Variants in PPM1H observed in about 807,000 individuals in gnomAD.
PPM1H encodes the protein protein phosphatase, Mg2+/Mn2+ dependent 1H, also known as protein phosphatase 1H.
In PPM1H, 27 loss-of-function variants were observed where a neutral mutation model predicts 54.9. The ratio of observed to expected loss-of-function variants is 0.49; its 90% CI spans 0.36 to 0.68. PPM1H has a LOEUF of 0.68. PPM1H is among the 30% of genes least tolerant of loss of function. PPM1H has a pLI of 0.00. For synonymous variants in PPM1H, 305 were observed against 270.8 expected (o/e 1.13, Z -1.24); for missense variants, 596 against 667.8 (o/e 0.89, Z 1.19).
intron 2 of PPM1H, among the ~76,000 whole-genome samples, chr12:62,828,140 A>G (rs1868310471): frequency 6.6e-6 from 1 of 152,152 alleles, no homozygotes; most frequent in African/African-American, 2.4e-5. Flanking sequence ...TTTGAGTTTT[A>G]CCATTAAGGG....
chr12:62,766,566 C>A (rs1026153100), intron 4 of PPM1H, among the ~76,000 whole-genome samples: 7 of 149,078 alleles, frequency 4.7e-5, no homozygotes, highest in African/African-American at 1.7e-4. Flanking sequence ...GCCACAGAAA[C>A]AAAAAAAAAA....
At chr12:62,830,112 T>A (rs1425204145) in intron 2 of PPM1H, among the ~76,000 whole-genome samples, 2 of 152,238 alleles carry the variant, frequency 1.3e-5, no homozygotes, top group African/African-American at 2.4e-5. Flanking sequence ...AACCTCAGGA[T>A]AATAATCACT....
At chr12:62,906,941 C>T (rs925107754) in intron 1 of PPM1H, among the ~76,000 whole-genome samples, 2 of 152,100 alleles carry the variant, frequency 1.3e-5, no homozygotes, top group Admixed American at 6.5e-5. Flanking sequence ...GTGTCTAGAA[C>T]AATGAAATAC....
intron 2 of PPM1H, among the ~76,000 whole-genome samples, chr12:62,805,506 A>C (rs1330689306): frequency 1.3e-5 from 2 of 152,240 alleles, no homozygotes. Context: ...ATACAATAAG[A>C]TATTATTCAG....
chr12:62,891,953 C>T (rs1254642315), intron 1 of PPM1H, among the ~76,000 whole-genome samples: 2 of 151,942 alleles, frequency 1.3e-5, no homozygotes, highest in South Asian at 2.1e-4. Flanking sequence ...TGTAGATAAA[C>T]GATAACATCT....
chr12:62,792,691 A>G (rs909972084), intron 3 of PPM1H, among the ~76,000 whole-genome samples: 2 of 152,172 alleles, frequency 1.3e-5, no homozygotes, highest in African/African-American at 4.8e-5. Flanking sequence ...TGCAACTAGA[A>G]CATATTCTAA....
intron 9 of PPM1H, among the ~76,000 whole-genome samples, chr12:62,650,637 G>A (rs1047529247): frequency 1.3e-5 from 2 of 152,166 alleles, no homozygotes; most frequent in South Asian, 2.1e-4. Context: ...TCACAGTTCC[G>A]TATGGCTGGG....
chr12:62,808,219 CCT>C (rs1192574695), intron 2 of PPM1H, among the ~76,000 whole-genome samples: 2 of 152,178 alleles, frequency 1.3e-5, no homozygotes, highest in Non-Finnish European at 2.9e-5. Flanking sequence ...TTACTCCACT[CCT>C]CTGTGAGAGG....
At chr12:62,680,463 C>T (rs764152509) in intron 8 of PPM1H, among the ~76,000 whole-genome samples, 10 of 152,138 alleles carry the variant, frequency 6.6e-5, no homozygotes, top group South Asian at 6.2e-4. Context: ...ACTATAGCTA[C>T]GTGCCACCAT....
At position 62,645,345 on chromosome 12, in the gene PPM1H, A is replaced by G. The variant is rs979294801; in HGVS notation, c.*3144T>C. On this transcript the variant is annotated 3_prime_UTR_variant, in exon 10 of 10. Transcript: ENST00000228705. Reference sequence around the variant, plus strand: ...TGGAGGTTAAGTTGTTCAAGAATTTAAAAAGTAAACACCCCAAATCCTCCA... The same window carrying G: ...TGGAGGTTAAGTTGTTCAAGAATTTGAAAAGTAAACACCCCAAATCCTCCA... The G allele has an allele frequency of 2.0e-5, 3 of 152,262 alleles. No individual in the cohort carries two copies. Among genetic ancestry groups the G allele is most frequent in the Non-Finnish European group, 4.4e-5 (3 of 68,056 alleles). 9.4% of individuals were successfully genotyped at this position (152,262 alleles called of 1,614,324 possible).
intron 1 of PPM1H, among the ~76,000 whole-genome samples, chr12:62,873,592 G>A (rs1046210989): frequency 4.6e-5 from 7 of 152,166 alleles, no homozygotes; most frequent in African/African-American, 1.7e-4. Flanking sequence ...TGGCAGATCA[G>A]AGCCCAGATC....
At position 62,718,369 on chromosome 12, in the gene PPM1H, T is replaced by C. The variant is rs544079930; in HGVS notation, c.1073+1802A>G. Among the ~76,000 whole-genome samples the C allele has an allele frequency of 2.0e-5, 3 of 152,342 alleles. No individual in the cohort carries two copies. In the South Asian group the frequency reaches 6.2e-4, roughly 32 times the overall value. ...ACATAAATGTTGTTATGATAGTTTT[T>C]CTCTGAGTACCTGAATCTGCTTTCT... On this transcript the variant is annotated intron_variant, in intron 6 of 9. Coordinates refer to ENST00000228705, the MANE Select transcript of PPM1H (RefSeq NM_020700.2).
At chr12:62,920,623 CAAA>C (rs398055633) in intron 1 of PPM1H, among the ~76,000 whole-genome samples, 11 of 121,504 alleles carry the variant, frequency 9.1e-5, no homozygotes, top group Non-Finnish European at 1.1e-4. Context: ...CACCCGGCAT[CAAA>C]AAAAAAAAAA....
At chr12:62,888,317 G>A (rs939545798) in intron 1 of PPM1H, among the ~76,000 whole-genome samples, 1 of 152,140 alleles carries the variant, frequency 6.6e-6, no homozygotes, top group Non-Finnish European at 1.5e-5. Flanking sequence ...CTGCCCATGA[G>A]GAAGAAGCCA....
intron 1 of PPM1H, among the ~76,000 whole-genome samples, chr12:62,861,437 A>T (rs567181733): frequency 6.6e-6 from 1 of 152,348 alleles, no homozygotes; most frequent in Non-Finnish European, 1.5e-5. Flanking sequence ...CTGACAACAG[A>T]TGATTAGCTT....
At chr12:62,846,241 G>A (rs1868961637) in intron 1 of PPM1H, among the ~76,000 whole-genome samples, 1 of 152,174 alleles carries the variant, frequency 6.6e-6, no homozygotes, top group Non-Finnish European at 1.5e-5. Flanking sequence ...GCTCACGCCT[G>A]TAATCCCAGC....
At chr12:62,817,716 T>A (rs538462706) in intron 2 of PPM1H, among the ~76,000 whole-genome samples, 2 of 152,172 alleles carry the variant, frequency 1.3e-5, no homozygotes, top group Non-Finnish European at 2.9e-5. Context: ...AAAGAGTACT[T>A]CTTACAAAAA....
At chr12:62,840,335 C>T (rs182713115) in intron 1 of PPM1H, 7 of 152,256 alleles carry the variant, frequency 4.6e-5, no homozygotes, top group African/African-American at 1.7e-4. Context: ...ATCCTCATGA[C>T]CTGAACAATT....
chr12:62,905,650 T>A (rs1871282454), intron 1 of PPM1H, among the ~76,000 whole-genome samples: 1 of 152,294 alleles, frequency 6.6e-6, no homozygotes, highest in African/African-American at 2.4e-5. Context: ...AACTTAGTAA[T>A]ACTAGTCCTC....
Sources: allele counts gnomAD v4.1 joint callset (sites outside exome capture counted in the v4.1 genomes callset), GRCh38; gene constraint gnomAD v4.1.1; transcripts MANE v1.5; gene names NCBI Gene and HGNC (gene_info 2026-07-23, HGNC 2026-07-21).